The following MTFR2 variants were observed in gnomAD, a reference collection of about 807,000 sequenced individuals.
The protein encoded by MTFR2 is mitochondrial fission regulator 2, also known as DUF729 domain-containing protein 1.
Under a neutral mutation model 41.2 loss-of-function variants are expected in MTFR2, and 44 were observed. That is an observed-to-expected ratio of 1.07 (90% CI 0.84 to 1.37). MTFR2 has a LOEUF of 1.37. Ranked by LOEUF, MTFR2 falls within the 40% of genes most tolerant of loss-of-function variation. The probability of loss-of-function intolerance (pLI) is 0.00; values close to 1 mark genes in which losing one functional copy is unlikely to be tolerated. For synonymous variants in MTFR2, 141 were observed against 154.6 expected, an observed-to-expected ratio of 0.91 and a Z score of 0.65; for missense variants, 452 against 459.5, an observed-to-expected ratio of 0.98 and a Z score of 0.15.
At chr6:136,242,755 G>A in intron 4 of MTFR2, 106 bp downstream of exon 4, 1 of 785,140 alleles carries the variant, frequency 1.3e-6, no homozygotes, top group Non-Finnish European at 2.0e-6. Context: ...GCACAGCACA[G>A]TTTGAAGATA....
chr6:136,243,944 A>G (rs1012760103), intron 3 of MTFR2, among the ~76,000 whole-genome samples: 4 of 152,080 alleles, frequency 2.6e-5, no homozygotes, highest in African/African-American at 9.7e-5. Flanking sequence ...TAACAAAAAA[A>G]TTTTAAAAGT....
At chr6:136,244,954 CAAAAAA>C in intron 2 of MTFR2, 85 bp from the exon 3 acceptor site, 1 of 935,338 alleles carries the variant, frequency 1.1e-6, no homozygotes, top group African/African-American at 8.9e-5. Flanking sequence ...GTAAAAAAGA[CAAAAAA>C]GACGCAGTGG....
intron 2 of MTFR2, chr6:136,247,677 G>C: frequency 2.5e-6 from 1 of 397,090 alleles, no homozygotes; most frequent in Non-Finnish European, 4.9e-6. Flanking sequence ...CTCCCTTCCT[G>C]ATATTCTTCA....
At chr6:136,242,728 TAAG>T in intron 4 of MTFR2, 130 bp downstream of exon 4, 1 of 579,444 alleles carries the variant, frequency 1.7e-6, no homozygotes, top group Non-Finnish European at 2.9e-6. Flanking sequence ...TCTTCTTTAT[TAAG>T]AAGATACAGT....
At chr6:136,239,936 T>C (rs10484486) in intron 5 of MTFR2, 116 bp from the exon 6 acceptor site, 3 of 769,086 alleles carry the variant, frequency 3.9e-6, no homozygotes, top group South Asian at 2.1e-5. Context: ...AGTAGCGATA[T>C]GGTAGCAAGG....
chr6:136,241,367 G>T, intron 5 of MTFR2, 77 bp downstream of exon 5: 1 of 1,143,822 alleles, frequency 8.7e-7, no homozygotes, highest in Non-Finnish European at 1.3e-6. Flanking sequence ...ATTCAGTACA[G>T]TATCATGCTG....
chr6:136,238,568 T>A (rs1156836947), intron 6 of MTFR2, among the ~76,000 whole-genome samples: 2 of 152,106 alleles, frequency 1.3e-5, no homozygotes, highest in African/African-American at 2.4e-5. Flanking sequence ...AAATTTCAGT[T>A]ATGCAAGATG....
intron 6 of MTFR2, among the ~76,000 whole-genome samples, chr6:136,234,848 G>T (rs1779862489): frequency 6.6e-6 from 1 of 152,232 alleles, no homozygotes; most frequent in South Asian, 2.1e-4. Flanking sequence ...GTGCTGATGG[G>T]AACGGTGGGA....
At chr6:136,245,864 C>T (rs1328481468) in intron 2 of MTFR2, among the ~76,000 whole-genome samples, 1 of 152,154 alleles carries the variant, frequency 6.6e-6, no homozygotes, top group Non-Finnish European at 1.5e-5. Context: ...TTTTCACACT[C>T]AGTCTTCAAA....
chr6:136,246,579 G>T (rs1421565273), intron 2 of MTFR2, among the ~76,000 whole-genome samples: 1 of 152,062 alleles, frequency 6.6e-6, no homozygotes, highest in Non-Finnish European at 1.5e-5. Context: ...CACCACATCT[G>T]GCCATCTTCA....
At chr6:136,240,752 T>C (rs1202421124) in intron 5 of MTFR2, among the ~76,000 whole-genome samples, 3 of 152,196 alleles carry the variant, frequency 2.0e-5, no homozygotes, top group South Asian at 2.1e-4. Flanking sequence ...TTCAAACCAA[T>C]GCATTCTTCC....
In MTFR2 at chr6:136,233,452, T is replaced by A. The variant is rs138889760; in HGVS notation, c.917A>T (p.His306Leu). ...PIHKRKRQNS[H>L]WDPVSLISHA... Reference sequence around the variant, plus strand: ...AGATATTAAAGAAACTGGATCCCAATGTGAATTCTGTCTTTTCCTCTTATG... The same window carrying A: ...AGATATTAAAGAAACTGGATCCCAAAGTGAATTCTGTCTTTTCCTCTTATG... Residue 306 changes from histidine to leucine, a missense_variant, in exon 7 of 8, where the codon CAT (histidine) becomes CTT (leucine). By Grantham distance (99) the His-to-Leu change is moderately conservative (BLOSUM62 -3). Coordinates refer to ENST00000420702, the MANE Select transcript of MTFR2 (RefSeq NM_001099286.3). 1.2e-5 allele frequency: 19 copies of A among 1,591,098 alleles called. No individual in the cohort carries two copies. The highest frequency in any genetic ancestry group is 1.7e-5 in the Admixed American group (1 of 59,418).
chr6:136,233,536 T>G (rs756799257), intron 6 of MTFR2, 37 bp from the exon 7 acceptor site: 1 of 1,426,856 alleles, frequency 7.0e-7, no homozygotes, highest in Non-Finnish European at 9.3e-7. Context: ...TTATTAAAAC[T>G]TGGATGTAAT....
rs1218323520 is a variant in MTFR2 at position 136,239,490 on chromosome 6, T to C, written c.845A>G (p.Lys282Arg). 1 of 1,611,834 alleles carries C rather than the reference T, an allele frequency of 6.2e-7. No homozygotes were observed. The highest frequency in any genetic ancestry group is 8.5e-7 in the Non-Finnish European group (1 of 1,178,290). ...CCGCTCAATTGCACGAAGCTTAACC[T>C]TATTCATATCCTTTAGAACGTCCAA... ...NMLDVLKDMN[K>R]VKLRAIERSP... The change falls in exon 6 of 8, where the codon AAG (lysine) becomes AGG (arginine). Residue 282 changes from lysine to arginine, a missense_variant. By Grantham distance (26) the Lys-to-Arg change is conservative (BLOSUM62 2). Coordinates refer to ENST00000420702, the MANE Select transcript of MTFR2 (RefSeq NM_001099286.3).
Position 136,231,172 on chromosome 6 carries a change from A to G in MTFR2, c.*103T>C. ...CAAAATGTGTCAAGAAGAGTCTTTAAATACATCTACTTTTAGCCTTTAACA... is the reference window on the plus strand; with the variant it reads ...CAAAATGTGTCAAGAAGAGTCTTTAGATACATCTACTTTTAGCCTTTAACA... On this transcript the variant is annotated 3_prime_UTR_variant, in exon 8 of 8. Transcript: ENST00000420702. 2.8e-6 allele frequency: 2 copies of G among 725,860 alleles called. No individual in the cohort carries two copies. The highest frequency in any genetic ancestry group is 4.6e-6 in the Non-Finnish European group (2 of 436,926). 45.0% of individuals were successfully genotyped at this position (725,860 alleles called of 1,614,324 possible).
intron 6 of MTFR2, among the ~76,000 whole-genome samples, chr6:136,236,093 C>T (rs1779898208): frequency 6.6e-6 from 1 of 152,146 alleles, no homozygotes; most frequent in Admixed American, 6.5e-5. Flanking sequence ...TAGAAGGCAG[C>T]AGCGATAGAC....
chr6:136,247,655 T>G (rs1478728153), intron 2 of MTFR2: 2 of 420,150 alleles, frequency 4.8e-6, no homozygotes, highest in Non-Finnish European at 4.7e-6. Flanking sequence ...AAAAGAAGGT[T>G]GCTGATCCCA....
intron 7 of MTFR2, among the ~76,000 whole-genome samples, chr6:136,231,669 T>TAAAAAAAAAAAAAAAAAATAAAAAAAAAA (rs1779761318): frequency 1.2e-5 from 1 of 82,944 alleles, no homozygotes; most frequent in African/African-American, 4.7e-5. Context: ...AAAAACTATG[T>TAAAAAAAAAAAAAAAAAATAAAAAAAAAA]AAAAAAAAAA....
Position 136,249,019 on chromosome 6 carries a change from A to G in MTFR2, c.63+18T>C, listed in dbSNP as rs1780290036. The G allele has an allele frequency of 6.3e-7, 1 of 1,592,996 alleles. No individual in the cohort carries two copies. The highest frequency in any genetic ancestry group is 8.5e-7 in the Non-Finnish European group (1 of 1,171,756). ...GAACAAATACAACAGATCCATTCCA[A>G]TCCAAAACGACATTTACCTGTTCTA... On this transcript the variant is annotated intron_variant, in intron 2 of 7. Transcript: ENST00000420702.
Sources: allele counts gnomAD v4.1 joint callset (sites outside exome capture counted in the v4.1 genomes callset), GRCh38; gene constraint gnomAD v4.1.1; transcripts MANE v1.5; gene names NCBI Gene and HGNC (gene_info 2026-07-23, HGNC 2026-07-21).